Variants in ABCF2 observed in about 807,000 individuals in gnomAD.
ABCF2 encodes the protein ATP binding cassette subfamily F member 2.
In ABCF2, 37 loss-of-function variants were observed where a neutral mutation model predicts 76.9. That is an observed-to-expected ratio of 0.48 (90% CI 0.37 to 0.63). The LOEUF (loss-of-function observed/expected upper bound fraction) is 0.63, where lower values mean the gene tolerates loss of function less well. ABCF2 is among the 30% of genes least tolerant of loss of function. The pLI is 0.00. For missense variants in ABCF2, 524 were observed against 782.1 expected, an observed-to-expected ratio of 0.67 and a Z score of 3.94; for synonymous variants, 299 against 283.7, an observed-to-expected ratio of 1.05 and a Z score of -0.54.
Position 151,214,803 on chromosome 7 carries a change from C to G in ABCF2, c.1734+76G>C. The G allele has an allele frequency of 7.0e-7, 1 of 1,423,830 alleles. No individual in the cohort carries two copies. Among genetic ancestry groups the G allele is most frequent in the South Asian group, 1.2e-5 (1 of 85,466 alleles). The allele number at this position is 1,423,830 out of a possible 1,614,324, so 88.2% of individuals were successfully genotyped here. A position where few individuals can be genotyped will look rare whatever the true frequency, so the allele number is the denominator to read the frequency against. ...TAATTCAGTAGGCGGGTATTATGCA[C>G]CCTCCACATGCCATGACTACCCTAC... On this transcript the variant is annotated intron_variant, in intron 14 of 14. Transcript: ENST00000287844. The surrounding 1 kb of genome is among the most constrained non-coding windows in gnomAD (Gnocchi z 4.9).
Position 151,214,795 on chromosome 7 carries a change from A to C in ABCF2, c.1734+84T>G. 1.5e-6 allele frequency: 2 copies of C among 1,304,892 alleles called. No homozygotes were observed. The highest frequency in any genetic ancestry group is 2.2e-6 in the Non-Finnish European group (2 of 908,776). 80.8% of individuals were successfully genotyped at this position (1,304,892 alleles called of 1,614,324 possible). On this transcript the variant is annotated intron_variant, in intron 14 of 14. Coordinates refer to ENST00000287844, the MANE Select transcript of ABCF2 (RefSeq NM_007189.3). This position sits in a 1 kb window ranked among gnomAD's most constrained non-coding sequence, Gnocchi z 4.9. ...CCTTCTCTTAATTCAGTAGGCGGGT[A>C]TTATGCACCCTCCACATGCCATGAC... is the stretch of plus-strand genomic sequence containing the variant.
rs1271327570 is a variant in ABCF2 at position 151,218,631 on chromosome 7, G to A, written c.1157C>T (p.Pro386Leu). Reference sequence around the variant, plus strand: ...AGGTGGAGGGATCTTGCCACATGGTGGGAAATAAAATGACAGTGTCTAGGA... The same window carrying A: ...AGGTGGAGGGATCTTGCCACATGGTAGGAAATAAAATGACAGTGTCTAGGA... Reference protein sequence around the residue: ...VSDKTLSFYFPPCGKIPPPVI... With the variant: ...VSDKTLSFYFLPCGKIPPPVI... Residue 386 changes from proline (P) to leucine (L), a missense_variant, in exon 10 of 15, where the codon CCA becomes CTA. Coordinates refer to ENST00000287844, the MANE Select transcript of ABCF2 (RefSeq NM_007189.3). The A allele has an allele frequency of 6.2e-7, 1 of 1,613,938 alleles. No homozygotes were observed. The highest frequency in any genetic ancestry group is 1.3e-5 in the African/African-American group (1 of 74,900).
At position 151,213,384 on chromosome 7, in the gene ABCF2, C is replaced by T. The variant is rs1802086537; in HGVS notation, c.*670G>A. 1 of 985,220 alleles carries T rather than the reference C, an allele frequency of 1.0e-6. No individual in the cohort carries two copies. Among genetic ancestry groups the T allele is most frequent in the Admixed American group, 6.1e-5 (1 of 16,266 alleles). The allele number at this position is 985,220 out of a possible 1,614,324, so 61.0% of individuals were successfully genotyped here. A position where few individuals can be genotyped will look rare whatever the true frequency, so the allele number is the denominator to read the frequency against. On this transcript the variant is annotated 3_prime_UTR_variant, in exon 15 of 15. Transcript: ENST00000287844. ...GTAAAGGGACAAAGTTCTTCCAGCT[C>T]CTATGGACTAGTCTTCAGTTCCCAT...
In ABCF2 at chr7:151,218,207, G is replaced by C. The variant is rs150404208; in HGVS notation, c.1228-16C>G. 2,855 of 1,542,214 alleles carry C rather than the reference G, an allele frequency of 1.9e-3. 6 individuals are homozygous for C. The highest frequency in any genetic ancestry group is 4.0e-3 in the Middle Eastern group (24 of 5,940). ...AGATGCAAGGCTGAGGTGGGGATGA[G>C]AGAGATGTGGACACAAGGCTAGAAT... is the stretch of plus-strand genomic sequence containing the variant. On this transcript the variant is annotated splice_polypyrimidine_tract_variant and intron_variant, in intron 10 of 14. Transcript: ENST00000287844.
chr7:151,214,847 T>C lies in ABCF2; in HGVS notation c.1734+32A>G, dbSNP rs749427307. ...ACCCTACCCAACCCCCTAGAAGCTC[T>C]GCTGTGCCTCACCCCCTGGCCAGGG... On this transcript the variant is annotated intron_variant, in intron 14 of 14. Transcript: ENST00000287844. This position sits in a 1 kb window ranked among gnomAD's most constrained non-coding sequence, Gnocchi z 4.9. The C allele has an allele frequency of 1.2e-6, 2 of 1,610,660 alleles. No homozygotes were observed. Among genetic ancestry groups the C allele is most frequent in the Non-Finnish European group, 1.7e-6 (2 of 1,176,872 alleles).
At chr7:151,227,120 C>A (rs1206204568) in intron 1 of ABCF2, 43 bp downstream of exon 1, 1 of 152,572 alleles carries the variant, frequency 6.6e-6, no homozygotes, top group African/African-American at 2.4e-5. Context: ...TCCCCCTCAC[C>A]GGCGGGGACC....
At chr7:151,225,222 G>A (rs889357365) in intron 2 of ABCF2, among the ~76,000 whole-genome samples, 7 of 152,136 alleles carry the variant, frequency 4.6e-5, no homozygotes, top group African/African-American at 1.7e-4. Context: ...CACTACTGTG[G>A]CCAGGAATAA....
In ABCF2 at chr7:151,224,757, TC is replaced by T; in HGVS notation, c.367+18del. Reference sequence around the variant, plus strand: ...GAGCTAAGGAGAGATACCTCCCACCTCCCCTTCCAAGGCCTCACCAATTCCA... The same window carrying T: ...GAGCTAAGGAGAGATACCTCCCACCTCCCTTCCAAGGCCTCACCAATTCCA... On this transcript the variant is annotated intron_variant, in intron 3 of 14. Coordinates refer to ENST00000287844, the MANE Select transcript of ABCF2 (RefSeq NM_007189.3). 6.2e-7 allele frequency: 1 copy of T among 1,607,242 alleles called. No homozygotes were observed. Among genetic ancestry groups the T allele is most frequent in the Non-Finnish European group, 8.5e-7 (1 of 1,173,882 alleles).
intron 2 of ABCF2, 93 bp downstream of exon 2, chr7:151,226,212 T>G (rs956456983): frequency 2.1e-6 from 3 of 1,410,294 alleles, no homozygotes; most frequent in Non-Finnish European, 2.9e-6. Flanking sequence ...CCAGATACAT[T>G]CTCCACTACC....
Position 151,218,088 on chromosome 7 carries a change from G to A in ABCF2, c.1331C>T (p.Thr444Ile). 6.2e-7 allele frequency: 1 copy of A among 1,612,726 alleles called. No homozygotes were observed. The highest frequency in any genetic ancestry group is 1.3e-5 in the African/African-American group (1 of 75,008). ...AGKSTLLKLL[T>I]GELLPTDGMI... ...CCCACCTTGGCACCATACCTCTCCA[G>A]TTAGCAGCTTCAGAAGAGTTGACTT... is the stretch of plus-strand genomic sequence containing the variant. The change falls in exon 11 of 15, where the codon ACT becomes ATT. Residue 444 changes from threonine (T) to isoleucine (I), a missense_variant. This residue lies in a region of ABCF2 where 194 missense variants were observed against 348.6 expected (regional missense o/e 0.56). Coordinates refer to ENST00000287844, the MANE Select transcript of ABCF2 (RefSeq NM_007189.3).
chr7:151,220,541 A>G (rs1212297451), intron 7 of ABCF2, among the ~76,000 whole-genome samples: 5 of 152,206 alleles, frequency 3.3e-5, no homozygotes, highest in African/African-American at 7.2e-5. Flanking sequence ...GAGGACATCA[A>G]TCGTTAGTTT....
At position 151,212,961 on chromosome 7, in the gene ABCF2, G is replaced by T; in HGVS notation, c.*1093C>A. On this transcript the variant is annotated 3_prime_UTR_variant, in exon 15 of 15. Transcript: ENST00000287844. ...TTCCAGGCACATAAAGACGGGTTTT[G>T]CCATGTTTCCCAAGCTGGTCTTGAA... 1.7e-6 allele frequency: 1 copy of T among 572,956 alleles called. No homozygotes were observed. Among genetic ancestry groups the T allele is most frequent in the Non-Finnish European group, 2.2e-6 (1 of 453,376 alleles). 35.5% of individuals were successfully genotyped at this position (572,956 alleles called of 1,614,324 possible).
rs1802126567 is a variant in ABCF2, at chr7:151,215,204, A to G, written c.1531-122T>C. On this transcript the variant is annotated intron_variant, in intron 13 of 14. Transcript: ENST00000287844. This position sits in a 1 kb window ranked among gnomAD's most constrained non-coding sequence, Gnocchi z 4.6. Reference sequence around the variant, plus strand: ...TCGCCATTTATAAAAAGTGAGGCTCAGAGAGACCCACTAGTCTCTTGAGGC... The same window carrying G: ...TCGCCATTTATAAAAAGTGAGGCTCGGAGAGACCCACTAGTCTCTTGAGGC... 6.1e-6 allele frequency: 6 copies of G among 979,160 alleles called. No individual in the cohort carries two copies. Among genetic ancestry groups the G allele is most frequent in the South Asian group, 3.1e-5 (2 of 63,912 alleles). The allele number at this position is 979,160 out of a possible 1,614,324, so 60.7% of individuals were successfully genotyped here. A position where few individuals can be genotyped will look rare whatever the true frequency, so the allele number is the denominator to read the frequency against.
intron 11 of ABCF2, among the ~76,000 whole-genome samples, chr7:151,217,823 A>G (rs913163491): frequency 4.0e-5 from 6 of 151,568 alleles, no homozygotes; most frequent in African/African-American, 1.5e-4. Context: ...AAACGTGCTT[A>G]AACACATACA....
At position 151,218,196 on chromosome 7, in the gene ABCF2, GGTGGGGATGA is replaced by G. The variant is rs1285837992; in HGVS notation, c.1228-15_1228-6del. 6.3e-7 allele frequency: 1 copy of G among 1,597,210 alleles called. No individual in the cohort carries two copies. ...TAGATTATTGTAGATGCAAGGCTGA[GGTGGGGATGA>G]GAGAGATGTGGACACAAGGCTAGAA... On this transcript the variant is annotated splice_polypyrimidine_tract_variant and splice_region_variant and intron_variant, in intron 10 of 14. Coordinates refer to ENST00000287844, the MANE Select transcript of ABCF2 (RefSeq NM_007189.3).
intron 8 of ABCF2, 75 bp from the exon 9 acceptor site, chr7:151,218,948 T>A: frequency 1.2e-6 from 2 of 1,608,622 alleles, no homozygotes; most frequent in Non-Finnish European, 1.7e-6. Flanking sequence ...GTAAAAATGT[T>A]GATCGTAACT....
At position 151,214,172 on chromosome 7, in the gene ABCF2, A is replaced by G; in HGVS notation, c.1754T>C (p.Val585Ala). The G allele has an allele frequency of 2.5e-6, 4 of 1,614,056 alleles. No individual in the cohort carries two copies. The highest frequency in any genetic ancestry group is 3.4e-6 in the Non-Finnish European group (4 of 1,179,998). The change falls in exon 15 of 15, where the codon GTC becomes GCC. Residue 585 changes from valine (V) to alanine (A), a missense_variant. This residue lies in a region of ABCF2 where 194 missense variants were observed against 348.6 expected (regional missense o/e 0.56). Transcript: ENST00000287844. The surrounding 1 kb of genome is among the most constrained non-coding windows in gnomAD (Gnocchi z 4.9). The part of the protein sequence containing the change: ...LIQQVAQEIW[V>A]CEKQTITKWP... ...CTTGGTGATTGTCTGCTTCTCACAG[A>G]CCCAAATTTCCTGTGCAACCTAGAA...
rs1195750765 is a variant in ABCF2 at position 151,212,929 on chromosome 7, G to C, written c.*1125C>G. On this transcript the variant is annotated 3_prime_UTR_variant, in exon 15 of 15. Transcript: ENST00000287844. ...TCCATCCACCCTAGCCACCTGAGCA[G>C]GTGGGATTCCAGGCACATAAAGACG... 2 of 296,748 alleles carry C rather than the reference G, an allele frequency of 6.7e-6. No individual in the cohort carries two copies. The highest frequency in any genetic ancestry group is 4.6e-5 in the African/African-American group (2 of 43,934). 18.4% of individuals were successfully genotyped at this position (296,748 alleles called of 1,614,324 possible).
chr7:151,222,482 G>T, intron 6 of ABCF2, 39 bp downstream of exon 6: 3 of 1,544,296 alleles, frequency 1.9e-6, no homozygotes, highest in South Asian at 1.1e-5. Context: ...TTCCCCCTTT[G>T]GGACCTGCCC....
Sources: allele counts gnomAD v4.1 joint callset (sites outside exome capture counted in the v4.1 genomes callset), GRCh38; gene constraint gnomAD v4.1.1; regional missense constraint gnomAD v4.1.1; non-coding constraint Gnocchi (gnomAD v3.1); transcripts MANE v1.5; gene names NCBI Gene and HGNC (gene_info 2026-07-23, HGNC 2026-07-21).